Variants in DAB1 observed in about 807,000 individuals in gnomAD.
DAB1 encodes the protein disabled homolog 1.
A neutral mutation model predicts 64.6 loss-of-function variants in DAB1; 15 were observed. That is an observed-to-expected ratio of 0.23 (90% CI 0.16 to 0.36). DAB1 has a LOEUF of 0.36. DAB1 is among the 10% of genes least tolerant of loss of function. The pLI is 1.00. For missense variants in DAB1, 596 were observed against 706.7 expected (o/e 0.84, Z 1.78); for synonymous variants, 235 against 251.9 (o/e 0.93, Z 0.64).
At chr1:57,873,017 T>C (rs1018377680) in intron 1 of DAB1, among the ~76,000 whole-genome samples, 3 of 152,034 alleles carry the variant, frequency 2.0e-5, no homozygotes, top group Non-Finnish European at 4.4e-5. Flanking sequence ...TTCTGATTTT[T>C]GTGTGATAGG....
At chr1:57,447,353 C>G (rs1686179432) in intron 7 of DAB1, among the ~76,000 whole-genome samples, 1 of 152,184 alleles carries the variant, frequency 6.6e-6, no homozygotes, top group South Asian at 2.1e-4. Context: ...TCCAGTAACT[C>G]TGATCACCCT....
chr1:57,751,274 G>T (rs1270559285), intron 6 of DAB1, among the ~76,000 whole-genome samples: 1 of 152,046 alleles, frequency 6.6e-6, no homozygotes, highest in Non-Finnish European at 1.5e-5. Flanking sequence ...CTAGAAGGAG[G>T]AGCTAAAAAT....
chr1:57,253,328 G>T (rs950713826), intron 2 of DAB1, among the ~76,000 whole-genome samples: 1 of 152,098 alleles, frequency 6.6e-6, no homozygotes, highest in Non-Finnish European at 1.5e-5. Context: ...GACCTGGGAG[G>T]GATCTAAGTC....
intron 2 of DAB1, among the ~76,000 whole-genome samples, chr1:58,516,778 A>G (rs891856775): frequency 2.6e-5 from 4 of 152,182 alleles, no homozygotes; most frequent in Admixed American, 2.6e-4. Context: ...CCCAGTAACC[A>G]AGCTCACAAG....
chr1:57,350,594 A>T (rs1180966224), intron 1 of DAB1, among the ~76,000 whole-genome samples: 1 of 152,118 alleles, frequency 6.6e-6, no homozygotes. Context: ...AATAATTACA[A>T]GTTCCTGACT....
intron 1 of DAB1, among the ~76,000 whole-genome samples, chr1:57,356,688 A>C (rs1679133699): frequency 6.6e-6 from 1 of 152,134 alleles, no homozygotes; most frequent in African/African-American, 2.4e-5. Flanking sequence ...TGTGCTTTTC[A>C]AACGATGCAG....
rs564026736 is a variant in DAB1 at position 57,790,355 on chromosome 1, A to C, written n.551+93644T>G. Among the ~76,000 whole-genome samples, 7 of 152,194 alleles carry C rather than the reference A, an allele frequency of 4.6e-5. No individual in the cohort carries two copies. In the South Asian group the frequency reaches 1.5e-3, roughly 32 times the overall value. On this transcript the variant is annotated intron_variant and non_coding_transcript_variant, in intron 6 of 20. Transcript: ENST00000485760. ...TACTTCTCCTTGTTGCTGCCATGTG[A>C]AGAAGGACATGTTTGCTTCCCCTTG...
chr1:57,634,281 T>C (rs972061883), intron 7 of DAB1, among the ~76,000 whole-genome samples: 1 of 152,256 alleles, frequency 6.6e-6, no homozygotes, highest in African/African-American at 2.4e-5. Flanking sequence ...TGAGCTATAA[T>C]AGCAGATAAA....
chr1:57,616,594 GCGCAGGCATTAT>G, intron 7 of DAB1, among the ~76,000 whole-genome samples: 1 of 152,106 alleles, frequency 6.6e-6, no homozygotes, highest in South Asian at 2.1e-4. Flanking sequence ...TATAATGGCA[GCGCAGGCATTAT>G]AGATAATCTA....
chr1:58,337,514 G>A (rs1663147979), intron 4 of DAB1, among the ~76,000 whole-genome samples: 2 of 152,090 alleles, frequency 1.3e-5, no homozygotes. Flanking sequence ...AAGAATTTGT[G>A]TTCAAAAACC....
At chr1:58,286,280 A>C (rs993310213) in intron 4 of DAB1, among the ~76,000 whole-genome samples, 1 of 152,220 alleles carries the variant, frequency 6.6e-6, no homozygotes, top group Non-Finnish European at 1.5e-5. Flanking sequence ...TGAAAACACC[A>C]AAAGCAATTG....
intron 7 of DAB1, among the ~76,000 whole-genome samples, chr1:57,519,039 G>A (rs910533726): frequency 2.6e-5 from 4 of 151,968 alleles, no homozygotes; most frequent in Admixed American, 2.0e-4. Flanking sequence ...TTTCTTCGGC[G>A]CATAGAAAAG....
intron 3 of DAB1, among the ~76,000 whole-genome samples, chr1:58,423,418 G>C (rs1434633500): frequency 6.6e-6 from 1 of 152,188 alleles, no homozygotes; most frequent in Non-Finnish European, 1.5e-5. Flanking sequence ...CCAAGAGAGG[G>C]GAAGAGGTGG....
chr1:57,957,161 C>T (rs1645410875), intron 5 of DAB1, among the ~76,000 whole-genome samples: 1 of 152,160 alleles, frequency 6.6e-6, no homozygotes, highest in South Asian at 2.1e-4. Flanking sequence ...TGTACAGGGA[C>T]ATGACTGGAT....
In DAB1 at chr1:58,052,359, G is replaced by A. The variant is rs1181845498; in HGVS notation, n.387+98152C>T. Among the ~76,000 whole-genome samples, 3 of 152,254 alleles carry A rather than the reference G, an allele frequency of 2.0e-5. 1 individual carries two copies. In the East Asian group the frequency reaches 5.8e-4, roughly 29 times the overall value. On this transcript the variant is annotated intron_variant and non_coding_transcript_variant, in intron 5 of 20. Transcript: ENST00000485760. ...TGTCAAAGATCAGATGGTTGTAGAT[G>A]TGTGGCATTACTTCTGAGTCCTCCG...
chr1:58,194,804 C>A (rs1308644451), intron 4 of DAB1, among the ~76,000 whole-genome samples: 1 of 152,158 alleles, frequency 6.6e-6, no homozygotes. Context: ...GCAGACAGAG[C>A]CCCAAGAATC....
At chr1:57,693,769 G>A (rs1646792578) in intron 6 of DAB1, among the ~76,000 whole-genome samples, 1 of 152,078 alleles carries the variant, frequency 6.6e-6, no homozygotes, top group African/African-American at 2.4e-5. Context: ...AAGAAACTCT[G>A]GATGTGTCTG....
At chr1:57,426,395 A>G (rs183422250), upstream of DAB1, among the ~76,000 whole-genome samples, 1 of 152,348 alleles carries the variant, frequency 6.6e-6, no homozygotes, top group African/African-American at 2.4e-5. Flanking sequence ...ATACCCACCA[A>G]TGATCTTTCA....
intron 1 of DAB1, among the ~76,000 whole-genome samples, chr1:57,306,054 T>C (rs1166752059): frequency 6.6e-6 from 1 of 152,150 alleles, no homozygotes; most frequent in South Asian, 2.1e-4. Context: ...CTAAGCAGTG[T>C]ATACATTCCC....
Sources: allele counts gnomAD v4.1 joint callset (sites outside exome capture counted in the v4.1 genomes callset), GRCh38; gene constraint gnomAD v4.1.1; transcripts MANE v1.5; gene names NCBI Gene and HGNC (gene_info 2026-07-23, HGNC 2026-07-21).